DMGDH: variants seen among roughly 807,000 people sequenced by gnomAD.
DMGDH encodes the protein dimethylglycine dehydrogenase, mitochondrial.
Under a neutral mutation model 95.2 loss-of-function variants are expected in DMGDH, and 76 were observed. The ratio of observed to expected loss-of-function variants is 0.80; its 90% CI spans 0.66 to 0.97. The LOEUF (loss-of-function observed/expected upper bound fraction) is 0.97, where lower values mean the gene tolerates loss of function less well. DMGDH is among the 50% of genes least tolerant of loss of function. The pLI is 0.00. For synonymous variants in DMGDH, 345 were observed against 377.6 expected, an observed-to-expected ratio of 0.91 and a Z score of 1.00; for missense variants, 987 against 1,055.0, an observed-to-expected ratio of 0.94 and a Z score of 0.89.
chr5:78,998,235 T>C lies in DMGDH; in HGVS notation c.2448A>G (p.Ala816=). Residue 816 remains alanine, a synonymous_variant, in exon 16 of 16, where the codon GCA becomes GCG. Coordinates refer to ENST00000255189, the MANE Select transcript of DMGDH (RefSeq NM_013391.3). ...CTTCACTTAGTTGTACAGGGACATA[T>C]GCGAAAGCCAGACTCTTCTGGATGC... is the stretch of plus-strand genomic sequence containing the variant. ...SYSIQKSLAF[A]YVPVQLSEVG... is the part of the protein sequence containing the mutation. 6.2e-7 allele frequency: 1 copy of C among 1,614,226 alleles called. No homozygotes were observed. The highest frequency in any genetic ancestry group is 8.5e-7 in the Non-Finnish European group (1 of 1,180,036).
At chr5:79,025,286 A>G (rs2431332) in intron 13 of DMGDH, among the ~76,000 whole-genome samples, 26,967 of 152,074 alleles carry the variant, frequency 0.18, 2,961 homozygotes, top group Non-Finnish European at 0.24. Flanking sequence ...CTGACTCCCA[A>G]AGGGCTGCTC....
At chr5:79,019,721 C>T (rs1206823363) in intron 14 of DMGDH, among the ~76,000 whole-genome samples, 4 of 152,078 alleles carry the variant, frequency 2.6e-5, no homozygotes, top group Admixed American at 6.5e-5. Context: ...CTCGTCTCTA[C>T]TAAAAATACA....
intron 14 of DMGDH, chr5:79,021,259 C>G: frequency 3.9e-6 from 4 of 1,024,168 alleles, no homozygotes; most frequent in Non-Finnish European, 3.5e-6. Context: ...TTCACAATTA[C>G]GGCTAAGAAC....
rs577733111 is a variant in DMGDH at position 79,041,869 on chromosome 5, G to A, written c.1193+414C>T. Among the ~76,000 whole-genome samples, 8 of 152,176 alleles carry A rather than the reference G, an allele frequency of 5.3e-5. 1 individual carries two copies. In the East Asian group the frequency reaches 1.2e-3, roughly 22 times the overall value. ...ACAAAAAATTAGCCGGCGTGATGCC[G>A]GGTGCCTATAATCCCAGCTACTGAG... On this transcript the variant is annotated intron_variant, in intron 7 of 15. Transcript: ENST00000255189.
chr5:79,017,576 T>C (rs1201478775), intron 14 of DMGDH, among the ~76,000 whole-genome samples: 1 of 152,212 alleles, frequency 6.6e-6, no homozygotes, highest in Non-Finnish European at 1.5e-5. Flanking sequence ...ATATATAAAA[T>C]GGCACACAGC....
Position 79,011,706 on chromosome 5 carries a change from G to A in DMGDH, c.2251-6299C>T, listed in dbSNP as rs150829461. ...CATGGTGGAAGGCAAAGGGGGAGCA[G>A]TACTTCACATGGCCAGAGAAGGAGC... On this transcript the variant is annotated intron_variant, in intron 14 of 15. Transcript: ENST00000255189. 4.6e-5 allele frequency among the ~76,000 whole-genome samples: 7 copies of A among 152,290 alleles called. No homozygotes were observed. The East Asian group carries it at 1.3e-3, about 29-fold the overall frequency.
rs113876227 is a variant in DMGDH at position 79,028,780 on chromosome 5, T to C, written c.1815-130A>G. ...GTCCCCAGAGTGTCATTTCATGAAA[T>C]CACACTGATTTTTAAAGTTGAGGAA... On this transcript the variant is annotated intron_variant, in intron 11 of 15. Transcript: ENST00000255189. 1,030 of 1,019,350 alleles carry C rather than the reference T, an allele frequency of 1.0e-3. 11 individuals carry two copies. The African/African-American group carries it at 0.014, about 14-fold the overall frequency. 63.1% of individuals were successfully genotyped at this position (1,019,350 alleles called of 1,614,324 possible). A position where few individuals can be genotyped will look rare whatever the true frequency, so the allele number is the denominator to read the frequency against.
At chr5:79,024,217 AT>A in intron 14 of DMGDH, 53 bp downstream of exon 14, 1 of 1,519,476 alleles carries the variant, frequency 6.6e-7, no homozygotes, top group Non-Finnish European at 9.1e-7. Flanking sequence ...CTGTCACAAA[AT>A]AGCATCATAA....
intron 7 of DMGDH, among the ~76,000 whole-genome samples, chr5:79,041,716 C>T (rs965524430): frequency 1.3e-5 from 2 of 152,050 alleles, no homozygotes; most frequent in Non-Finnish European, 1.5e-5. Context: ...TCCAGGAGGC[C>T]GGGTGCGGTG....
rs547623158 is a variant in DMGDH at position 79,006,467 on chromosome 5, C to T, written c.2251-1060G>A. On this transcript the variant is annotated intron_variant, in intron 14 of 15. Coordinates refer to ENST00000255189, the MANE Select transcript of DMGDH (RefSeq NM_013391.3). Reference sequence around the variant, plus strand: ...GCGCCCTGGAGGGAGGGCTGACATCCGTGGGAGGTTAGTATGAGACTTCTG... The same window carrying T: ...GCGCCCTGGAGGGAGGGCTGACATCTGTGGGAGGTTAGTATGAGACTTCTG... Among the ~76,000 whole-genome samples, 32 of 152,254 alleles carry T rather than the reference C, an allele frequency of 2.1e-4. 1 individual carries two copies. Among genetic ancestry groups the T allele is most frequent in the East Asian group, 1.5e-3 (8 of 5,184 alleles).
chr5:79,058,775 G>A (rs544205395), intron 2 of DMGDH, among the ~76,000 whole-genome samples: 2 of 152,300 alleles, frequency 1.3e-5, no homozygotes, highest in South Asian at 4.1e-4. Flanking sequence ...AGAATGTAAA[G>A]GTCTTCCTTA....
rs1753383587 is a variant in DMGDH, at chr5:78,997,617, TA to T, written c.*464del. The T allele has an allele frequency of 6.0e-6, 1 of 166,690 alleles. No homozygotes were observed. Among genetic ancestry groups the T allele is most frequent in the African/African-American group, 2.4e-5 (1 of 41,512 alleles). The allele number at this position is 166,690 out of a possible 1,614,324, so 10.3% of individuals were successfully genotyped here. ...TCATCACAGATATATCATGAAAAAT[TA>T]AAACTTTCATTTATTCATCTAAGGA... On this transcript the variant is annotated 3_prime_UTR_variant, in exon 16 of 16. Transcript: ENST00000255189.
At chr5:79,040,693 G>T (rs1754484521) in intron 7 of DMGDH, among the ~76,000 whole-genome samples, 1 of 152,152 alleles carries the variant, frequency 6.6e-6, no homozygotes, top group Non-Finnish European at 1.5e-5. Flanking sequence ...TGGGAGAAAA[G>T]TTCTGCAAAT....
At chr5:79,008,808 A>G (rs893150314) in intron 14 of DMGDH, among the ~76,000 whole-genome samples, 24 of 152,192 alleles carry the variant, frequency 1.6e-4, no homozygotes, top group African/African-American at 5.3e-4. Context: ...AAATAATAAA[A>G]TATTAATCAG....
intron 2 of DMGDH, among the ~76,000 whole-genome samples, chr5:79,063,195 C>T (rs1017061144): frequency 2.0e-5 from 3 of 152,220 alleles, no homozygotes; most frequent in East Asian, 3.9e-4. Context: ...GGCCCATATC[C>T]AGGCTCACCC....
At chr5:79,032,940 T>G (rs1266930769) in intron 8 of DMGDH, 100 bp from the exon 9 acceptor site, 2 of 1,390,790 alleles carry the variant, frequency 1.4e-6, no homozygotes, top group Non-Finnish European at 2.0e-6. Context: ...AAAATCCAGA[T>G]GCATAAACAT....
chr5:79,043,624 C>A (rs1754582595), intron 6 of DMGDH, among the ~76,000 whole-genome samples: 1 of 152,178 alleles, frequency 6.6e-6, no homozygotes, highest in Non-Finnish European at 1.5e-5. Flanking sequence ...TATTTCAATG[C>A]CCCAGTGATT....
chr5:79,054,396 T>G, intron 3 of DMGDH, 48 bp from the exon 4 acceptor site: 1 of 1,566,294 alleles, frequency 6.4e-7, no homozygotes, highest in South Asian at 1.1e-5. Context: ...CATTGTTTGG[T>G]ACTCAAACAT....
At chr5:78,999,702 T>G (rs1313145101) in intron 15 of DMGDH, among the ~76,000 whole-genome samples, 4 of 152,210 alleles carry the variant, frequency 2.6e-5, no homozygotes, top group African/African-American at 9.7e-5. Context: ...TTTTTGACTG[T>G]GAAAAATAAA....
Sources: gnomAD v4.1 joint callset for allele counts (sites outside exome capture counted in the v4.1 genomes callset) on GRCh38, gnomAD v4.1.1 for gene constraint, MANE v1.5 for transcripts, NCBI Gene and HGNC (gene_info 2026-07-23, HGNC 2026-07-21) for gene names.